Variants in COG6 observed in about 807,000 individuals in gnomAD.
COG6 encodes conserved oligomeric Golgi complex subunit 6.
COG6 carries 74 observed loss-of-function variants against 88.8 expected under a neutral mutation model. The observed-to-expected ratio is 0.83, with a 90% CI of 0.69 to 1.01. The LOEUF (loss-of-function observed/expected upper bound fraction) is 1.01, where lower values mean the gene tolerates loss of function less well. Ranked by LOEUF, COG6 falls within the 50% of genes least tolerant of loss-of-function variation. The probability of loss-of-function intolerance (pLI) is 0.00; values close to 1 mark genes in which losing one functional copy is unlikely to be tolerated. For synonymous variants in COG6, 286 were observed against 278.7 expected, an observed-to-expected ratio of 1.03 and a Z score of -0.26; for missense variants, 800 against 797.9, an observed-to-expected ratio of 1.00 and a Z score of -0.03.
chr13:39,751,092 G>C lies in COG6; in HGVS notation c.1973G>C (p.Ter658SerextTer30), dbSNP rs929114748. The change falls in exon 19 of 19, where the codon TGA (stop) becomes TCA (serine). Residue 658 changes from the stop codon to serine, a stop_lost. Transcript: ENST00000455146. Reference sequence around the variant, plus strand: ...CAGCAAGTGCAGACGCTTCTTTCCTGATTATCTTATTTCATTGTGTTAGCA... The same window carrying C: ...CAGCAAGTGCAGACGCTTCTTTCCTCATTATCTTATTTCATTGTGTTAGCA... ...SPQQVQTLLS[*>S] 1.2e-6 allele frequency: 2 copies of C among 1,613,350 alleles called. No homozygotes were observed. Among genetic ancestry groups the C allele is most frequent in the Non-Finnish European group, 1.7e-6 (2 of 1,179,632 alleles).
intron 18 of COG6, among the ~76,000 whole-genome samples, chr13:39,730,839 T>C (rs1879406070): frequency 6.6e-6 from 1 of 150,990 alleles, no homozygotes; most frequent in Admixed American, 6.6e-5. Context: ...TTTATTTTTT[T>C]GAGACAGAGT....
intron 13 of COG6, among the ~76,000 whole-genome samples, chr13:39,711,436 A>C (rs1878231214): frequency 6.6e-6 from 1 of 152,244 alleles, no homozygotes. Flanking sequence ...AATCAAAATT[A>C]ACACTTCGGT....
At chr13:39,768,496 A>T (rs1461856749) in intron 18 of COG6, among the ~76,000 whole-genome samples, 2 of 152,216 alleles carry the variant, frequency 1.3e-5, no homozygotes, top group Non-Finnish European at 2.9e-5. Flanking sequence ...TCAGAGCCCC[A>T]GGTAGTCCTC....
At chr13:39,789,228 C>T (rs928817841) in exon 19 of COG6, 1 of 152,196 alleles carries the variant, frequency 6.6e-6, no homozygotes, top group Non-Finnish European at 1.5e-5. Flanking sequence ...TCATATTTCA[C>T]TGCCGTATAA....
intron 12 of COG6, among the ~76,000 whole-genome samples, chr13:39,696,399 A>T (rs534270257): frequency 6.6e-6 from 1 of 152,074 alleles, no homozygotes; most frequent in South Asian, 2.1e-4. Context: ...ATAGGCAGTG[A>T]TCATACATGA....
intron 18 of COG6, among the ~76,000 whole-genome samples, chr13:39,748,852 G>T (rs1451969457): frequency 6.6e-6 from 1 of 152,110 alleles, no homozygotes; most frequent in Non-Finnish European, 1.5e-5. Context: ...GACCCCATTA[G>T]AACAGTGTAC....
At chr13:39,736,997 TTAAG>T (rs1277807791) in intron 18 of COG6, among the ~76,000 whole-genome samples, 2 of 152,176 alleles carry the variant, frequency 1.3e-5, no homozygotes, top group African/African-American at 4.8e-5. Context: ...GACTTGTGAA[TTAAG>T]TCTTTGGTCA....
chr13:39,695,143 C>T (rs1268574181), intron 12 of COG6, among the ~76,000 whole-genome samples: 1 of 151,368 alleles, frequency 6.6e-6, no homozygotes, highest in Admixed American at 6.6e-5. Flanking sequence ...AATAACCTAC[C>T]ATGTACTCAC....
At chr13:39,727,209 G>A (rs1013087505) in intron 17 of COG6, among the ~76,000 whole-genome samples, 18 of 152,028 alleles carry the variant, frequency 1.2e-4, no homozygotes, top group Admixed American at 3.3e-4. Flanking sequence ...TAAAAGCTTT[G>A]TGAGGAAGAC....
chr13:39,661,816 TCTTTAA>T (rs1299085950), intron 3 of COG6, among the ~76,000 whole-genome samples: 7 of 151,610 alleles, frequency 4.6e-5, no homozygotes, highest in African/African-American at 1.2e-4. Context: ...CCCTTCTTTT[TCTTTAA>T]CTTTATTTCC....
At position 39,694,739 on chromosome 13, in the gene COG6, CA is replaced by C; in HGVS notation, c.1166+18del. 7.5e-7 allele frequency: 1 copy of C among 1,326,524 alleles called. No homozygotes were observed. Among genetic ancestry groups the C allele is most frequent in the Non-Finnish European group, 1.1e-6 (1 of 924,790 alleles). 82.2% of individuals were successfully genotyped at this position (1,326,524 alleles called of 1,614,324 possible). On this transcript the variant is annotated intron_variant, in intron 12 of 18. Transcript: ENST00000455146. ...CCATACAATCAGGTAAGTAGAATGG[CA>C]AAATGTGCTTGCTAAATCCAATGTG... is the stretch of plus-strand genomic sequence containing the variant.
intron 18 of COG6, among the ~76,000 whole-genome samples, chr13:39,760,262 A>G (rs889626031): frequency 6.6e-6 from 1 of 152,168 alleles, no homozygotes; most frequent in Non-Finnish European, 1.5e-5. Context: ...CTGGGCCTCC[A>G]GTGGAATGTA....
At chr13:39,681,753 C>A (rs1200069453) in intron 7 of COG6, among the ~76,000 whole-genome samples, 1 of 152,072 alleles carries the variant, frequency 6.6e-6, no homozygotes, top group Non-Finnish European at 1.5e-5. Context: ...TATTAGTTAA[C>A]CACATTAACA....
chr13:39,682,212 C>G lies in COG6; in HGVS notation c.736C>G (p.Pro246Ala). ...GACACAAGAATCATGTGACGTATCT[C>G]CAGTATTGACACAGGCAATGGAAGC... The part of the protein sequence containing the change: ...TLTQESCDVS[P>A]VLTQAMEALQ... The change falls in exon 8 of 19, where the codon CCA becomes GCA. Residue 246 changes from proline (P) to alanine (A), a missense_variant. Physicochemically the swap from Pro to Ala is conservative, Grantham distance 27. Transcript: ENST00000455146. 6.2e-7 allele frequency: 1 copy of G among 1,612,706 alleles called. No homozygotes were observed. Among genetic ancestry groups the G allele is most frequent in the South Asian group, 1.1e-5 (1 of 91,044 alleles).
exon 19 of COG6, chr13:39,789,176 A>G (rs1881864136): frequency 1.3e-5 from 2 of 152,174 alleles, no homozygotes; most frequent in Admixed American, 1.3e-4. Context: ...CACACTACAC[A>G]CAAAGTTCTG....
chr13:39,692,817 G>A (rs190231625), intron 11 of COG6, among the ~76,000 whole-genome samples: 56 of 152,052 alleles, frequency 3.7e-4, no homozygotes, highest in Admixed American at 2.8e-3. Flanking sequence ...AATGCAGTTA[G>A]GATTTATTGA....
chr13:39,759,160 T>C (rs998068738), intron 18 of COG6, among the ~76,000 whole-genome samples: 12 of 152,206 alleles, frequency 7.9e-5, no homozygotes, highest in Admixed American at 2.0e-4. Flanking sequence ...TTGCACAGCA[T>C]TGAATATACT....
chr13:39,661,330 T>C (rs1874886175), intron 3 of COG6, among the ~76,000 whole-genome samples: 1 of 152,170 alleles, frequency 6.6e-6, no homozygotes, highest in Non-Finnish European at 1.5e-5. Context: ...AAACTTATAG[T>C]TTGGTAGCAG....
intron 15 of COG6, among the ~76,000 whole-genome samples, chr13:39,723,007 G>A (rs763683081): frequency 6.6e-6 from 1 of 152,016 alleles, no homozygotes; most frequent in Admixed American, 6.6e-5. Flanking sequence ...CCCTTATCTC[G>A]GAATTCTTCC....
Sources: gnomAD v4.1 joint callset for allele counts (sites outside exome capture counted in the v4.1 genomes callset) on GRCh38, gnomAD v4.1.1 for gene constraint, MANE v1.5 for transcripts, NCBI Gene and HGNC (gene_info 2026-07-23, HGNC 2026-07-21) for gene names.